The following LCLAT1 variants were observed in gnomAD, a reference collection of about 807,000 sequenced individuals.
LCLAT1 encodes the protein lysocardiolipin acyltransferase 1, also known as 1-AGP acyltransferase 8.
LCLAT1 carries 11 observed loss-of-function variants against 30.7 expected under a neutral mutation model. The ratio of observed to expected loss-of-function variants is 0.36; its 90% confidence interval spans 0.23 to 0.59. LCLAT1 has a LOEUF of 0.59. LCLAT1 is among the 20% of genes least tolerant of loss of function. LCLAT1 has a pLI of 0.77. For missense variants in LCLAT1, 402 were observed against 458.6 expected (o/e 0.88, Z 1.13); for synonymous variants, 155 against 151.3 (o/e 1.02, Z -0.18).
intron 5 of LCLAT1, among the ~76,000 whole-genome samples, chr2:30,618,766 T>G (rs184484670): frequency 1.3e-5 from 2 of 152,326 alleles, no homozygotes; most frequent in African/African-American, 2.4e-5. Flanking sequence ...CAGAAATAGA[T>G]TTAATAATGA....
chr2:30,620,402 C>T (rs536067629), intron 5 of LCLAT1, among the ~76,000 whole-genome samples: 1 of 152,284 alleles, frequency 6.6e-6, no homozygotes, highest in South Asian at 2.1e-4. Flanking sequence ...AGTTTGAGAA[C>T]TACTGTCATA....
chr2:30,473,854 A>C (rs829645), intron 1 of LCLAT1, among the ~76,000 whole-genome samples: 2 of 152,022 alleles, frequency 1.3e-5, no homozygotes, highest in African/African-American at 4.8e-5. Context: ...GTGCTAATTT[A>C]TACCAGTGAA....
At chr2:30,489,765 G>A (rs913349655) in intron 1 of LCLAT1, among the ~76,000 whole-genome samples, 3 of 152,168 alleles carry the variant, frequency 2.0e-5, no homozygotes, top group African/African-American at 7.2e-5. Context: ...CAGGGATCAG[G>A]GAGTGCCCTG....
intron 1 of LCLAT1, among the ~76,000 whole-genome samples, chr2:30,515,800 G>A (rs1029430775): frequency 5.3e-5 from 8 of 152,084 alleles, no homozygotes; most frequent in African/African-American, 1.4e-4. Context: ...CAATCATGGC[G>A]TTTTTTATTT....
intron 2 of LCLAT1, among the ~76,000 whole-genome samples, chr2:30,531,803 G>A (rs954922639): frequency 1.3e-5 from 2 of 152,068 alleles, no homozygotes; most frequent in African/African-American, 4.8e-5. Context: ...AAGTCTTACT[G>A]TTTCATATTG....
In LCLAT1 at chr2:30,640,513, T is replaced by C; in HGVS notation, c.1025T>C (p.Ile342Thr). ...TGGTATTTTATAATCACCATTGTAA[T>C]CTTTGTGCTGCAAGAGAGAATATTT... is the stretch of plus-strand genomic sequence containing the variant. Reference protein sequence around the residue: ...VKWYFIITIVIFVLQERIFGG... With the variant: ...VKWYFIITIVTFVLQERIFGG... The change falls in exon 6 of 6, where the codon ATC (isoleucine) becomes ACC (threonine). Residue 342 changes from isoleucine to threonine, a missense_variant. Transcript: ENST00000379509. The C allele has an allele frequency of 6.2e-7, 1 of 1,614,176 alleles. No individual in the cohort carries two copies. Among genetic ancestry groups the C allele is most frequent in the Non-Finnish European group, 8.5e-7 (1 of 1,180,016 alleles).
At chr2:30,622,512 C>T (rs1042742739) in intron 5 of LCLAT1, among the ~76,000 whole-genome samples, 1 of 152,164 alleles carries the variant, frequency 6.6e-6, no homozygotes, top group Non-Finnish European at 1.5e-5. Context: ...AAAAACAGCA[C>T]ACTGAACAAA....
At position 30,610,899 on chromosome 2, in the gene LCLAT1, T is replaced by C. The variant is rs572656136; in HGVS notation, c.629-29218T>C. The stretch of plus-strand genomic sequence containing the variant: ...AAAAATTTCTTGGACTTAACTGTTA[T>C]TATTTCCTCACCTGTTACCATCCTT... On this transcript the variant is annotated intron_variant, in intron 5 of 5. Coordinates refer to ENST00000379509, the MANE Select transcript of LCLAT1 (RefSeq NM_001002257.3). 5.3e-5 allele frequency among the ~76,000 whole-genome samples: 8 copies of C among 152,268 alleles called. 1 individual carries two copies. The highest frequency in any genetic ancestry group is 1.7e-4 in the African/African-American group (7 of 41,586).
At chr2:30,451,046 A>T (rs763608090) in intron 1 of LCLAT1, among the ~76,000 whole-genome samples, 1 of 152,234 alleles carries the variant, frequency 6.6e-6, no homozygotes, top group African/African-American at 2.4e-5. Context: ...CATTTTAAAA[A>T]TGCATAGATG....
intron 1 of LCLAT1, among the ~76,000 whole-genome samples, chr2:30,479,699 G>A (rs772786541): frequency 6.6e-6 from 1 of 152,150 alleles, no homozygotes; most frequent in Non-Finnish European, 1.5e-5. Flanking sequence ...ACTCTGTCTC[G>A]ATCTGGATAC....
chr2:30,544,924 A>AT (rs1231488760), intron 3 of LCLAT1, among the ~76,000 whole-genome samples: 1 of 152,102 alleles, frequency 6.6e-6, no homozygotes, highest in Non-Finnish European at 1.5e-5. Context: ...TTGAGCCCCT[A>AT]TTTAAGTATT....
chr2:30,573,730 ATGTAAATTTT>A (rs905787883), intron 5 of LCLAT1, among the ~76,000 whole-genome samples: 1 of 152,168 alleles, frequency 6.6e-6, no homozygotes, highest in African/African-American at 2.4e-5. Flanking sequence ...TACTAGCTAT[ATGTAAATTTT>A]TCTTACGATA....
At chr2:30,625,710 T>C (rs1264362202) in intron 5 of LCLAT1, among the ~76,000 whole-genome samples, 1 of 152,230 alleles carries the variant, frequency 6.6e-6, no homozygotes, top group African/African-American at 2.4e-5. Flanking sequence ...GAATGTAATT[T>C]AAACAGTCTG....
chr2:30,457,071 C>A (rs768715325), intron 1 of LCLAT1, among the ~76,000 whole-genome samples: 10 of 152,158 alleles, frequency 6.6e-5, no homozygotes, highest in Non-Finnish European at 1.5e-4. Flanking sequence ...CTCAGTAAAA[C>A]CAAACTCTCT....
At position 30,641,215 on chromosome 2, in the gene LCLAT1, AGAAG is replaced by A. The variant is rs1669288598; in HGVS notation, c.*597_*600del. The A allele has an allele frequency of 6.6e-6, 1 of 152,302 alleles. No individual in the cohort carries two copies. The highest frequency in any genetic ancestry group is 6.5e-5 in the Admixed American group (1 of 15,282). 9.4% of individuals were successfully genotyped at this position (152,302 alleles called of 1,614,324 possible). A position where few individuals can be genotyped will look rare whatever the true frequency, so the allele number is the denominator to read the frequency against. Reference sequence around the variant, plus strand: ...AACATTGTATGCTGACCAAGACGTCAGAAGACCACCTGTGCCCTTTTCTCTCGTG... The same window carrying A: ...AACATTGTATGCTGACCAAGACGTCAACCACCTGTGCCCTTTTCTCTCGTG... On this transcript the variant is annotated 3_prime_UTR_variant, in exon 6 of 6. Transcript: ENST00000379509.
rs144650179 is a variant in LCLAT1 at position 30,489,545 on chromosome 2, C to A, written c.-4-36042C>A. Among the ~76,000 whole-genome samples, 208 of 152,066 alleles carry A rather than the reference C, an allele frequency of 1.4e-3. 1 individual carries two copies. The highest frequency in any genetic ancestry group is 4.7e-3 in the African/African-American group (193 of 41,486). ...TTTTTTGTATTTTTAGTAGAGACAG[C>A]GTTTCACCATGTTAGCCAGGATGGT... On this transcript the variant is annotated intron_variant, in intron 1 of 5. Coordinates refer to ENST00000379509, the MANE Select transcript of LCLAT1 (RefSeq NM_001002257.3).
chr2:30,452,202 TG>T (rs1681585498), intron 1 of LCLAT1, among the ~76,000 whole-genome samples: 1 of 152,162 alleles, frequency 6.6e-6, no homozygotes, highest in Non-Finnish European at 1.5e-5. Context: ...ATATGAGGAT[TG>T]TGCACTTTAT....
intron 5 of LCLAT1, among the ~76,000 whole-genome samples, chr2:30,586,038 C>T (rs1666419074): frequency 1.3e-5 from 2 of 151,912 alleles, no homozygotes; most frequent in South Asian, 4.2e-4. Context: ...GTCCGGAGAT[C>T]GAGACCATCC....
intron 1 of LCLAT1, among the ~76,000 whole-genome samples, chr2:30,521,912 G>A (rs1360764925): frequency 2.0e-5 from 3 of 152,056 alleles, no homozygotes; most frequent in Non-Finnish European, 4.4e-5. Flanking sequence ...TGCCTTGTCT[G>A]GAATGTCATA....
Sources: gnomAD v4.1 joint callset for allele counts (sites outside exome capture counted in the v4.1 genomes callset) on GRCh38, gnomAD v4.1.1 for gene constraint, MANE v1.5 for transcripts, NCBI Gene and HGNC (gene_info 2026-07-23, HGNC 2026-07-21) for gene names.